IL23R: variants seen among roughly 807,000 people sequenced by gnomAD.
The protein encoded by IL23R is interleukin 23 receptor.
Under a neutral mutation model 56.9 loss-of-function variants are expected in IL23R, and 34 were observed. That is an observed-to-expected ratio of 0.60 (90% confidence interval 0.45 to 0.80). The LOEUF (loss-of-function observed/expected upper bound fraction) is 0.80, where lower values mean the gene tolerates loss of function less well. Among genes scored for constraint, IL23R ranks in the 30% least tolerant of loss-of-function variants. IL23R has a pLI of 0.00. For synonymous variants in IL23R, 230 were observed against 249.2 expected (o/e 0.92, Z 0.73); for missense variants, 635 against 730.0 (o/e 0.87, Z 1.50).
intron 6 of IL23R, among the ~76,000 whole-genome samples, chr1:67,211,489 G>A (rs192181059): frequency 7.2e-4 from 109 of 152,212 alleles, no homozygotes; most frequent in Non-Finnish European, 1.3e-3. Context: ...CAAGCCTGGT[G>A]GTGTGTGCCT....
rs1305260371 is a variant in IL23R, at chr1:67,259,117, T to G, written c.1879T>G (p.Leu627Val). 1 of 1,613,784 alleles carries G rather than the reference T, an allele frequency of 6.2e-7. No individual in the cohort carries two copies. Among genetic ancestry groups the G allele is most frequent in the Non-Finnish European group, 8.5e-7 (1 of 1,179,904 alleles). The change falls in exon 11 of 11, where the codon TTG (leucine) becomes GTG (valine). Residue 627 changes from leucine (L) to valine (V), a missense_variant. Transcript: ENST00000347310. ...LESHFNRISLLEK is the reference protein window; with the variant it reads ...LESHFNRISLVEK ...AAGCCACTTCAATAGGATTTCACTC[T>G]TGGAAAAGTAGAGCTGTGTGGTCAA...
At chr1:67,169,688 T>A in intron 3 of IL23R, 50 bp downstream of exon 3, 2 of 1,492,268 alleles carry the variant, frequency 1.3e-6, no homozygotes, top group Non-Finnish European at 1.9e-6. Flanking sequence ...GTTTAACAAT[T>A]AACTGGTCAT....
chr1:67,220,489 T>C (rs898664967), intron 7 of IL23R, among the ~76,000 whole-genome samples: 1 of 152,198 alleles, frequency 6.6e-6, no homozygotes, highest in Non-Finnish European at 1.5e-5. Flanking sequence ...GGGCAGATGA[T>C]AACATTTAAA....
At chr1:67,204,769 A>AC in intron 5 of IL23R, among the ~76,000 whole-genome samples, 1 of 143,764 alleles carries the variant, frequency 7.0e-6, no homozygotes, top group East Asian at 2.1e-4. Context: ...CTCAATACTG[A>AC]TTTTTTTTTT....
intron 3 of IL23R, among the ~76,000 whole-genome samples, chr1:67,171,022 T>C (rs1646937024): frequency 6.6e-6 from 1 of 152,204 alleles, no homozygotes; most frequent in Admixed American, 6.5e-5. Flanking sequence ...AAACTTGCCC[T>C]AAATTGTGGA....
At chr1:67,144,995 C>A (rs1469787255) in intron 1 of IL23R, among the ~76,000 whole-genome samples, 3 of 152,216 alleles carry the variant, frequency 2.0e-5, no homozygotes, top group East Asian at 3.8e-4. Flanking sequence ...CTTGCTCCAT[C>A]TCAGCCCCCT....
Position 67,200,819 on chromosome 1 carries a change from T to C in IL23R, c.574T>C (p.Tyr192His). The C allele has an allele frequency of 6.2e-7, 1 of 1,614,066 alleles. No homozygotes were observed. Among genetic ancestry groups the C allele is most frequent in the Non-Finnish European group, 8.5e-7 (1 of 1,180,000 alleles). The change falls in exon 5 of 11, where the codon TAC (tyrosine) becomes CAC (histidine). Residue 192 changes from tyrosine to histidine, a missense_variant. Coordinates refer to ENST00000347310, the MANE Select transcript of IL23R (RefSeq NM_144701.3). ...STDSLQGGKK[Y>H]LVWVQAANAL... ...TGATTCATTACAAGGTGGCAAGAAG[T>C]ACTTGGTTTGGGTCCAAGCAGCAAA...
intron 7 of IL23R, among the ~76,000 whole-genome samples, chr1:67,224,953 T>C (rs757409265): frequency 2.6e-5 from 4 of 152,214 alleles, no homozygotes; most frequent in Non-Finnish European, 4.4e-5. Flanking sequence ...TTATCCCAGT[T>C]GCACAGATGA....
At chr1:67,240,512 C>T (rs543854357) in intron 9 of IL23R, among the ~76,000 whole-genome samples, 1 of 152,312 alleles carries the variant, frequency 6.6e-6, no homozygotes, top group East Asian at 1.9e-4. Flanking sequence ...GCCTATTTTA[C>T]AGGTGACTTA....
chr1:67,164,354 C>T (rs970470529), upstream of IL23R, among the ~76,000 whole-genome samples: 20 of 151,986 alleles, frequency 1.3e-4, no homozygotes, highest in African/African-American at 3.1e-4. Flanking sequence ...AAAACCAGAC[C>T]GGGTGAGGCG....
intron 1 of IL23R, among the ~76,000 whole-genome samples, chr1:67,153,031 T>A (rs1312619037): frequency 6.6e-6 from 1 of 152,220 alleles, no homozygotes; most frequent in Non-Finnish European, 1.5e-5. Flanking sequence ...TGGTAGCAGC[T>A]CCTCTTTGTA....
At chr1:67,248,417 C>T (rs1283035060) in intron 9 of IL23R, among the ~76,000 whole-genome samples, 2 of 152,084 alleles carry the variant, frequency 1.3e-5, no homozygotes, top group Non-Finnish European at 2.9e-5. Context: ...GCTATTGATA[C>T]TTGTGTATGC....
Position 67,219,571 on chromosome 1 carries a change from T to C in IL23R, c.799-3T>C, listed in dbSNP as rs1283945308. On this transcript the variant is annotated splice_region_variant and splice_polypyrimidine_tract_variant and intron_variant, in intron 6 of 10. Transcript: ENST00000347310. ...TTTTATTATTGTTACCCATCCATTT[T>C]AGGTTAAAGAATTTGACACCAATTT... 1.2e-6 allele frequency: 2 copies of C among 1,613,424 alleles called. No individual in the cohort carries two copies. Among genetic ancestry groups the C allele is most frequent in the Non-Finnish European group, 1.7e-6 (2 of 1,179,564 alleles).
At chr1:67,190,381 C>T (rs750253613) in intron 4 of IL23R, among the ~76,000 whole-genome samples, 1 of 149,526 alleles carries the variant, frequency 6.7e-6, no homozygotes, top group Non-Finnish European at 1.5e-5. Flanking sequence ...TGGCTGTTCA[C>T]ATACCTTCTT....
At chr1:67,235,631 G>A (rs915618805) in intron 7 of IL23R, among the ~76,000 whole-genome samples, 1 of 151,960 alleles carries the variant, frequency 6.6e-6, no homozygotes, top group Non-Finnish European at 1.5e-5. Context: ...GGCCTCAAGT[G>A]ATCCACCTGC....
chr1:67,222,129 TTG>T (rs1220060027), intron 7 of IL23R, among the ~76,000 whole-genome samples: 81 of 99,734 alleles, frequency 8.1e-4, no homozygotes, highest in Non-Finnish European at 1.5e-3. Flanking sequence ...TTTTTTTTTT[TTG>T]ACAGTCTTGC....
chr1:67,186,545 G>A (rs1647348502), intron 4 of IL23R, among the ~76,000 whole-genome samples: 2 of 152,034 alleles, frequency 1.3e-5, no homozygotes, highest in Admixed American at 1.3e-4. Flanking sequence ...CGTTTCTGTT[G>A]ATTTGCCTAC....
chr1:67,180,759 G>T (rs1026036495), intron 3 of IL23R, among the ~76,000 whole-genome samples: 2 of 152,152 alleles, frequency 1.3e-5, no homozygotes, highest in African/African-American at 4.8e-5. Context: ...GGCTGGTACT[G>T]GTTTTTCCTT....
intron 3 of IL23R, among the ~76,000 whole-genome samples, chr1:67,178,493 G>C (rs1463403638): frequency 6.6e-6 from 1 of 152,168 alleles, no homozygotes; most frequent in Non-Finnish European, 1.5e-5. Flanking sequence ...TGCTAAAGTT[G>C]CCTATCAGCT....
Sources: allele counts gnomAD v4.1 joint callset (sites outside exome capture counted in the v4.1 genomes callset), GRCh38; gene constraint gnomAD v4.1.1; transcripts MANE v1.5; gene names NCBI Gene and HGNC (gene_info 2026-07-23, HGNC 2026-07-21).